CNTN6: variants seen among roughly 807,000 people sequenced by gnomAD.
The protein encoded by CNTN6 is contactin 6, also known as contactin-6.
A neutral mutation model predicts 122.8 loss-of-function variants in CNTN6; 137 were observed. That is an observed-to-expected ratio of 1.12 (90% CI 0.97 to 1.29). CNTN6 has a LOEUF of 1.29. Among genes scored for constraint, CNTN6 ranks in the 50% most tolerant of loss-of-function variants. CNTN6 has a pLI of 0.00. For missense variants in CNTN6, 1,634 were observed against 1,223.4 expected (o/e 1.34, Z -5.01); for synonymous variants, 570 against 426.0 (o/e 1.34, Z -4.16).
At chr3:1,312,050 G>A (rs1176303707) in intron 7 of CNTN6, among the ~76,000 whole-genome samples, 2 of 151,762 alleles carry the variant, frequency 1.3e-5, no homozygotes, top group Non-Finnish European at 2.9e-5. Context: ...AGGATTATTG[G>A]TAAATGGAAC....
At chr3:1,345,259 G>T (rs1704504375) in intron 11 of CNTN6, among the ~76,000 whole-genome samples, 1 of 151,906 alleles carries the variant, frequency 6.6e-6, no homozygotes, top group South Asian at 2.1e-4. Flanking sequence ...TGAAATTACA[G>T]GCACGAACCA....
intron 7 of CNTN6, among the ~76,000 whole-genome samples, chr3:1,307,574 A>G (rs1016284970): frequency 2.0e-5 from 3 of 152,104 alleles, no homozygotes; most frequent in African/African-American, 4.8e-5. Context: ...TATAAAGTCC[A>G]TATTTTATTC....
rs1705791166 is a variant in CNTN6, at chr3:1,352,397, A to T, written c.1438A>T (p.Ile480Leu). Residue 480 changes from isoleucine to leucine, a missense_variant, in exon 12 of 23, where the codon ATA (isoleucine) becomes TTA (leucine). Transcript: ENST00000446702. Reference protein sequence around the residue: ...TRSDAGSYTCIATNQFGTAKN... With the variant: ...TRSDAGSYTCLATNQFGTAKN... ...GTCAGATGCTGGATCATATACATGC[A>T]TAGCCACAAATCAGTTTGGCACTGC... 3 of 1,608,742 alleles carry T rather than the reference A, an allele frequency of 1.9e-6. No individual in the cohort carries two copies. The African/African-American group carries it at 4.0e-5, about 22-fold the overall frequency.
chr3:1,095,512 T>C (rs969156106), intron 1 of CNTN6, among the ~76,000 whole-genome samples: 1 of 151,950 alleles, frequency 6.6e-6, no homozygotes, highest in African/African-American at 2.4e-5. Flanking sequence ...AACAGAAACA[T>C]TGAGTTTAAT....
At chr3:1,235,223 T>C (rs1057073074) in intron 4 of CNTN6, among the ~76,000 whole-genome samples, 2 of 152,090 alleles carry the variant, frequency 1.3e-5, no homozygotes, top group African/African-American at 4.8e-5. Flanking sequence ...TATAAGAAAG[T>C]AGGGGATCCA....
intron 4 of CNTN6, among the ~76,000 whole-genome samples, chr3:1,243,884 A>G (rs955658780): frequency 6.6e-6 from 1 of 152,146 alleles, no homozygotes; most frequent in South Asian, 2.1e-4. Context: ...AAGACTGGGA[A>G]GACTCAGCGA....
rs1696546029 is a variant in CNTN6, at chr3:1,297,870, C to T, written c.659-19C>T. Reference sequence around the variant, plus strand: ...TTCTATTCTCCAGAAATGCTGCTAGCTCTTTTGATATTTAACAGGTGTGAT... The same window carrying T: ...TTCTATTCTCCAGAAATGCTGCTAGTTCTTTTGATATTTAACAGGTGTGAT... On this transcript the variant is annotated intron_variant, in intron 6 of 22. Transcript: ENST00000446702. 1 of 1,575,940 alleles carries T rather than the reference C, an allele frequency of 6.3e-7. No homozygotes were observed. The highest frequency in any genetic ancestry group is 8.7e-7 in the Non-Finnish European group (1 of 1,151,144).
intron 4 of CNTN6, among the ~76,000 whole-genome samples, chr3:1,239,068 C>G (rs148643134): frequency 3.3e-5 from 5 of 152,116 alleles, no homozygotes; most frequent in Middle Eastern, 3.4e-3. Flanking sequence ...TGGAAATATA[C>G]AACTCTCCTA....
At chr3:1,215,962 C>G (rs1326037513) in intron 2 of CNTN6, among the ~76,000 whole-genome samples, 2 of 152,064 alleles carry the variant, frequency 1.3e-5, no homozygotes, top group African/African-American at 4.8e-5. Context: ...GGGTGCTTCT[C>G]TCTATCCTAA....
chr3:1,356,880 ATGC>A (rs1706639412), intron 12 of CNTN6, among the ~76,000 whole-genome samples: 1 of 151,930 alleles, frequency 6.6e-6, no homozygotes, highest in Non-Finnish European at 1.5e-5. Flanking sequence ...ATTGAAAGTG[ATGC>A]TGCGTGAATT....
intron 11 of CNTN6, among the ~76,000 whole-genome samples, chr3:1,343,440 TTATAAG>T (rs1196428268): frequency 5.3e-5 from 8 of 152,116 alleles, no homozygotes; most frequent in Non-Finnish European, 1.2e-4. Flanking sequence ...ACCACATTGT[TTATAAG>T]TATAAAGTTT....
chr3:1,153,862 A>AG (rs1216536612), intron 2 of CNTN6, among the ~76,000 whole-genome samples: 4 of 152,208 alleles, frequency 2.6e-5, no homozygotes, highest in Non-Finnish European at 5.9e-5. Flanking sequence ...GCTTTGCTCA[A>AG]GGATCCCAGA....
intron 12 of CNTN6, among the ~76,000 whole-genome samples, chr3:1,353,017 T>C (rs1705904822): frequency 6.6e-6 from 1 of 151,742 alleles, no homozygotes; most frequent in African/African-American, 2.4e-5. Context: ...TAGAGATAAA[T>C]TCTATACTTT....
intron 1 of CNTN6, among the ~76,000 whole-genome samples, chr3:1,131,508 T>C (rs4684753): frequency 0.079 from 12,091 of 152,106 alleles, 637 homozygotes; most frequent in Non-Finnish European, 0.12. Flanking sequence ...AACCCCTATT[T>C]TGATTTGAAT....
In CNTN6 at chr3:1,241,362, G is replaced by A. The variant is rs1055365438; in HGVS notation, c.358+13369G>A. Reference sequence around the variant, plus strand: ...ATGTTTCTCAGGGCTGCTTCAAGCGGGATTAGGGGCAGTGTGGGAACCTAG... The same window carrying A: ...ATGTTTCTCAGGGCTGCTTCAAGCGAGATTAGGGGCAGTGTGGGAACCTAG... On this transcript the variant is annotated intron_variant, in intron 4 of 22. Coordinates refer to ENST00000446702, the MANE Select transcript of CNTN6 (RefSeq NM_001289080.2). Among the ~76,000 whole-genome samples the A allele has an allele frequency of 8.5e-4, 129 of 152,018 alleles. 4 individuals are homozygous for A. The highest frequency in any genetic ancestry group is 8.4e-3 in the Admixed American group (128 of 15,264).
chr3:1,113,231 G>C (rs1035522286), intron 1 of CNTN6, among the ~76,000 whole-genome samples: 2 of 152,066 alleles, frequency 1.3e-5, no homozygotes, highest in African/African-American at 4.8e-5. Flanking sequence ...ATTAACACAA[G>C]GTCTAATTAC....
intron 4 of CNTN6, among the ~76,000 whole-genome samples, chr3:1,231,561 C>T (rs761112342): frequency 3.2e-4 from 48 of 152,286 alleles, no homozygotes; most frequent in South Asian, 2.3e-3. Context: ...CATTATGAAT[C>T]GTCTCATCAT....
At chr3:1,098,086 T>C (rs1267434842) in intron 1 of CNTN6, among the ~76,000 whole-genome samples, 1 of 132,318 alleles carries the variant, frequency 7.6e-6, no homozygotes, top group Non-Finnish European at 1.5e-5. Context: ...AGAAAAAGGG[T>C]ATATTTGCGG....
In CNTN6 at chr3:1,327,441, C is replaced by G; in HGVS notation, c.1084-16C>G. 1 of 1,607,408 alleles carries G rather than the reference C, an allele frequency of 6.2e-7. No individual in the cohort carries two copies. The highest frequency in any genetic ancestry group is 8.5e-7 in the Non-Finnish European group (1 of 1,175,904). ...ATTAACGTACAAGCATCTTTATATG[C>G]CTTTTCCTTTATTAGGAGAGAATTC... On this transcript the variant is annotated splice_polypyrimidine_tract_variant and intron_variant, in intron 9 of 22. Transcript: ENST00000446702.
Sources: allele counts gnomAD v4.1 joint callset (sites outside exome capture counted in the v4.1 genomes callset), GRCh38; gene constraint gnomAD v4.1.1; transcripts MANE v1.5; gene names NCBI Gene and HGNC (gene_info 2026-07-23, HGNC 2026-07-21).